The following WWP1 variants were observed in gnomAD, a reference collection of about 807,000 sequenced individuals.
WWP1 encodes the protein WW domain containing E3 ubiquitin protein ligase 1, also known as NEDD4-like E3 ubiquitin-protein ligase WWP1.
WWP1 carries 49 observed loss-of-function variants against 130.6 expected under a neutral mutation model. The observed-to-expected ratio is 0.38, with a 90% CI of 0.30 to 0.48. The LOEUF (loss-of-function observed/expected upper bound fraction) is 0.48. Ranked by LOEUF, WWP1 falls within the 20% of genes least tolerant of loss-of-function variation. The pLI is 0.99. For synonymous variants in WWP1, 332 were observed against 367.8 expected, an observed-to-expected ratio of 0.90 and a Z score of 1.11; for missense variants, 809 against 1,100.6, an observed-to-expected ratio of 0.74 and a Z score of 3.75.
chr8:86,431,819 A>G (rs1809995600), intron 14 of WWP1, 76 bp downstream of exon 14: 2 of 1,574,504 alleles, frequency 1.3e-6, no homozygotes, highest in Non-Finnish European at 8.6e-7. Flanking sequence ...TTTATCCTCA[A>G]GTTTAGCAAA....
At chr8:86,457,091 C>T (rs772767671) in intron 21 of WWP1, among the ~76,000 whole-genome samples, 8 of 151,748 alleles carry the variant, frequency 5.3e-5, no homozygotes, top group Non-Finnish European at 1.0e-4. Context: ...TGAAAATCTT[C>T]GAACTATATA....
intron 8 of WWP1, among the ~76,000 whole-genome samples, chr8:86,409,257 G>A (rs1483555730): frequency 3.3e-5 from 4 of 119,974 alleles, no homozygotes; most frequent in South Asian, 2.6e-4. Context: ...TTCTTCAGAC[G>A]GAGTCTTGCT....
intron 11 of WWP1, among the ~76,000 whole-genome samples, chr8:86,429,413 G>A (rs1413482103): frequency 6.6e-6 from 1 of 151,720 alleles, no homozygotes; most frequent in Non-Finnish European, 1.5e-5. Flanking sequence ...TAATTAACTG[G>A]GTCTGTTACA....
chr8:86,368,670 C>A (rs768121866), intron 1 of WWP1, among the ~76,000 whole-genome samples: 1 of 152,142 alleles, frequency 6.6e-6, no homozygotes, highest in Non-Finnish European at 1.5e-5. Flanking sequence ...TAGACCCTCT[C>A]TGTTTGCCTG....
rs59506795 is a variant in WWP1, at chr8:86,460,790, C to CTTTTTTTTTTTTTTT, written c.2500-411_2500-397dup. ...ACCCTACAACCTCTTTTTAGCACATCTTTTTTTTTTTTTTTTTTTTTTTTT... is the reference window on the plus strand; with the variant it reads ...ACCCTACAACCTCTTTTTAGCACATCTTTTTTTTTTTTTTTTTTTTTTTTTTTTTTTTTTTTTTTT... On this transcript the variant is annotated intron_variant, in intron 22 of 24. Coordinates refer to ENST00000517970, the MANE Select transcript of WWP1 (RefSeq NM_007013.4). Among the ~76,000 whole-genome samples the CTTTTTTTTTTTTTTT allele has an allele frequency of 8.0e-5, 5 of 62,404 alleles. 2 individuals are homozygous for CTTTTTTTTTTTTTTT. Among genetic ancestry groups the CTTTTTTTTTTTTTTT allele is most frequent in the Admixed American group, 2.6e-4 (1 of 3,802 alleles). 40.9% of individuals were successfully genotyped at this position (62,404 alleles called of 152,430 possible).
intron 1 of WWP1, among the ~76,000 whole-genome samples, 182 bp from the exon 2 acceptor site, chr8:86,368,757 C>T (rs1277663181): frequency 6.6e-6 from 1 of 152,150 alleles, no homozygotes; most frequent in African/African-American, 2.4e-5. Context: ...TTCTGTAATT[C>T]TCTCTTGAAG....
chr8:86,361,723 C>T (rs1415919964), intron 1 of WWP1, among the ~76,000 whole-genome samples: 1 of 152,056 alleles, frequency 6.6e-6, no homozygotes, highest in Non-Finnish European at 1.5e-5. Flanking sequence ...CAACTCATCT[C>T]AACTGTTACC....
chr8:86,380,824 A>G lies in WWP1; in HGVS notation c.169A>G (p.Ser57Gly). The G allele has an allele frequency of 1.9e-6, 3 of 1,613,202 alleles. No homozygotes were observed. The highest frequency in any genetic ancestry group is 2.5e-6 in the Non-Finnish European group (3 of 1,179,598). ...DGEITKTAKSSSSSNPKWDEQ... is the reference protein window; with the variant it reads ...DGEITKTAKSGSSSNPKWDEQ... ...AGAAATTACGAAAACAGCAAAATCC[A>G]GTAGTTCTTCTAATCCAAAATGGGA... The change falls in exon 4 of 25, where the codon AGT becomes GGT. Residue 57 changes from serine to glycine, a missense_variant. Around this residue, in one of 3 missense-constraint regions of WWP1, gnomAD observed 262 missense variants for 346.0 expected, o/e 0.76. Coordinates refer to ENST00000517970, the MANE Select transcript of WWP1 (RefSeq NM_007013.4).
Position 86,458,127 on chromosome 8 carries a change from GAC to G in WWP1, c.2499+106_2499+107del, listed in dbSNP as rs559830706. 1.3e-5 allele frequency: 12 copies of G among 918,518 alleles called. No individual in the cohort carries two copies. The South Asian group carries it at 1.9e-4, about 15-fold the overall frequency. The allele number at this position is 918,518 out of a possible 1,614,324, so 56.9% of individuals were successfully genotyped here. ...TTATTTTTAATTGAGACTGCTTTTG[GAC>G]ACAGTTTATAATTTTTTAATTCTAA... is the stretch of plus-strand genomic sequence containing the variant. On this transcript the variant is annotated intron_variant, in intron 22 of 24. Transcript: ENST00000517970.
chr8:86,438,299 T>C (rs1810408266), intron 16 of WWP1, among the ~76,000 whole-genome samples: 1 of 152,176 alleles, frequency 6.6e-6, no homozygotes, highest in Non-Finnish European at 1.5e-5. Flanking sequence ...TGGCAGAGGC[T>C]GAAGAAAATT....
intron 9 of WWP1, among the ~76,000 whole-genome samples, chr8:86,424,754 G>A (rs972146423): frequency 2.4e-4 from 36 of 149,238 alleles, no homozygotes; most frequent in African/African-American, 7.1e-4. Flanking sequence ...AGATGGCAGC[G>A]GTACAGTCCA....
chr8:86,387,853 TCC>T (rs1825378581), intron 5 of WWP1, among the ~76,000 whole-genome samples: 2 of 152,164 alleles, frequency 1.3e-5, no homozygotes, highest in Admixed American at 6.5e-5. Context: ...ATAATTTTCT[TCC>T]ATCTTCATAA....
intron 22 of WWP1, 68 bp from the exon 23 acceptor site, chr8:86,461,152 CAAGT>C: frequency 7.4e-7 from 1 of 1,348,306 alleles, no homozygotes. Flanking sequence ...TTAATTTCTT[CAAGT>C]GTCTACTACT....
chr8:86,374,571 G>T (rs536558789), intron 3 of WWP1, among the ~76,000 whole-genome samples: 7 of 152,152 alleles, frequency 4.6e-5, no homozygotes, highest in Admixed American at 1.3e-4. Context: ...AATGTTTCTT[G>T]TAGAAAGCAA....
At chr8:86,415,914 A>G (rs573573343) in intron 9 of WWP1, among the ~76,000 whole-genome samples, 5 of 152,234 alleles carry the variant, frequency 3.3e-5, no homozygotes, top group Non-Finnish European at 7.3e-5. Context: ...AACTATGCCT[A>G]CCGTATAGCA....
intron 8 of WWP1, 63 bp from the exon 9 acceptor site, chr8:86,411,475 G>T: frequency 2.1e-6 from 3 of 1,409,124 alleles, no homozygotes; most frequent in South Asian, 2.6e-5. Flanking sequence ...GTAGTCAATT[G>T]ATTAGGTAAT....
chr8:86,446,271 T>C (rs13253261), intron 18 of WWP1, among the ~76,000 whole-genome samples: 41,039 of 152,058 alleles, frequency 0.27, 6,408 homozygotes, highest in East Asian at 0.54. Context: ...CGTGAGCCAC[T>C]GCGCCCAGCA....
At chr8:86,425,720 C>A (rs577628006) in intron 10 of WWP1, among the ~76,000 whole-genome samples, 41 of 152,022 alleles carry the variant, frequency 2.7e-4, no homozygotes. Flanking sequence ...ACTTAAAGGC[C>A]CAAAACTATG....
intron 17 of WWP1, among the ~76,000 whole-genome samples, chr8:86,441,767 T>C (rs1810603842): frequency 6.6e-6 from 1 of 152,196 alleles, no homozygotes; most frequent in Non-Finnish European, 1.5e-5. Context: ...GAATGGAGGA[T>C]TGTGGCTAAG....
Sources: gnomAD v4.1 joint callset for allele counts (sites outside exome capture counted in the v4.1 genomes callset) on GRCh38, gnomAD v4.1.1 for gene constraint, gnomAD v4.1.1 regional missense constraint, MANE v1.5 for transcripts, NCBI Gene and HGNC (gene_info 2026-07-23, HGNC 2026-07-21) for gene names.